The following FANCC variants were observed in gnomAD, a reference collection of about 807,000 sequenced individuals.
FANCC encodes the protein Fanconi anemia group C protein.
A neutral mutation model predicts 71.3 loss-of-function variants in FANCC; 55 were observed. The observed-to-expected ratio is 0.77, with a 90% CI of 0.62 to 0.97. The LOEUF is 0.97. Ranked by LOEUF, FANCC falls within the 50% of genes least tolerant of loss-of-function variation. The probability of loss-of-function intolerance (pLI) is 0.00; values close to 1 mark genes in which losing one functional copy is unlikely to be tolerated. For missense variants in FANCC, 678 were observed against 670.9 expected (o/e 1.01, Z -0.12); for synonymous variants, 275 against 244.9 (o/e 1.12, Z -1.15).
intron 10 of FANCC, 84 bp from the exon 11 acceptor site, chr9:95,117,474 C>T (rs562528042): frequency 7.7e-6 from 8 of 1,037,730 alleles, no homozygotes; most frequent in South Asian, 4.0e-5. Flanking sequence ...AGTCCTCTGC[C>T]CAAAAAAGAC....
intron 1 of FANCC, among the ~76,000 whole-genome samples, chr9:95,312,928 C>T (rs1160911697): frequency 1.3e-5 from 2 of 152,140 alleles, no homozygotes; most frequent in Non-Finnish European, 2.9e-5. Context: ...TGGTAACTTG[C>T]CAGAAACCCA....
chr9:95,157,158 A>G (rs1422981625), intron 6 of FANCC, among the ~76,000 whole-genome samples: 1 of 151,994 alleles, frequency 6.6e-6, no homozygotes, highest in African/African-American at 2.4e-5. Flanking sequence ...GCATCTATGC[A>G]TTTATTTTTT....
intron 9 of FANCC, among the ~76,000 whole-genome samples, chr9:95,125,554 G>A (rs941501780): frequency 2.0e-5 from 3 of 152,044 alleles, no homozygotes; most frequent in Non-Finnish European, 4.4e-5. Flanking sequence ...AAATGGCCTC[G>A]TCCATCCACC....
intron 4 of FANCC, among the ~76,000 whole-genome samples, chr9:95,187,459 A>G (rs980518014): frequency 2.0e-5 from 3 of 152,218 alleles, no homozygotes; most frequent in Non-Finnish European, 2.9e-5. Context: ...GCAGAGGCCC[A>G]GGAGGAGCCA....
intron 6 of FANCC, among the ~76,000 whole-genome samples, chr9:95,150,702 A>C (rs1830126335): frequency 6.6e-6 from 1 of 152,214 alleles, no homozygotes; most frequent in South Asian, 2.1e-4. Flanking sequence ...AGAATAAGCA[A>C]TGTCTTTCAC....
intron 3 of FANCC, among the ~76,000 whole-genome samples, chr9:95,244,711 A>C (rs1271620401): frequency 1.5e-5 from 2 of 129,308 alleles, no homozygotes; most frequent in Admixed American, 1.5e-4. Flanking sequence ...AAAAAAAAAA[A>C]AACCCAACAC....
intron 4 of FANCC, among the ~76,000 whole-genome samples, chr9:95,218,234 G>A (rs1423439323): frequency 6.6e-6 from 1 of 152,342 alleles, no homozygotes. Context: ...GGAGGCTAAG[G>A]TGGGAGAATC....
chr9:95,154,403 T>A (rs959917183), intron 6 of FANCC, among the ~76,000 whole-genome samples: 4 of 151,916 alleles, frequency 2.6e-5, no homozygotes, highest in Admixed American at 1.3e-4. Flanking sequence ...TTCTTACAGG[T>A]TAGGGAGACA....
chr9:95,116,876 C>G (rs956710239), intron 11 of FANCC, among the ~76,000 whole-genome samples: 1 of 152,226 alleles, frequency 6.6e-6, no homozygotes, highest in Non-Finnish European at 1.5e-5. Context: ...GGGGAAACTT[C>G]CCCTGCATTT....
intron 7 of FANCC, among the ~76,000 whole-genome samples, chr9:95,136,418 T>C (rs1002610334): frequency 2.6e-5 from 4 of 151,924 alleles, no homozygotes; most frequent in Non-Finnish European, 4.4e-5. Context: ...ATGGTAGTTA[T>C]GGCCTAGTTG....
intron 1 of FANCC, chr9:95,293,327 G>A: frequency 6.2e-7 from 1 of 1,609,924 alleles, no homozygotes; most frequent in South Asian, 1.1e-5. Context: ...TGTGGTGTTA[G>A]GTGTTGATCA....
At chr9:95,140,248 G>A (rs745755355) in intron 7 of FANCC, among the ~76,000 whole-genome samples, 5 of 151,966 alleles carry the variant, frequency 3.3e-5, no homozygotes, top group East Asian at 1.9e-4. Flanking sequence ...CAGTGACAGC[G>A]TCTGCCATGA....
intron 1 of FANCC, among the ~76,000 whole-genome samples, chr9:95,253,931 C>T (rs1253814234): frequency 6.6e-6 from 1 of 152,220 alleles, no homozygotes; most frequent in Admixed American, 6.5e-5. Context: ...ATTCATGCCC[C>T]TATGAGAATC....
intron 1 of FANCC, among the ~76,000 whole-genome samples, chr9:95,251,339 G>C (rs1028357167): frequency 2.6e-5 from 4 of 151,666 alleles, no homozygotes; most frequent in Admixed American, 2.6e-4. Flanking sequence ...TTTTTTAGAC[G>C]AAGTCTCACT....
chr9:95,164,334 CAAGTGGT>C (rs923064704), intron 6 of FANCC, among the ~76,000 whole-genome samples: 24 of 152,248 alleles, frequency 1.6e-4, no homozygotes, highest in African/African-American at 5.3e-4. Flanking sequence ...ATATTAAATA[CAAGTGGT>C]AAGAGAGGAT....
chr9:95,209,066 T>A (rs1564754071), intron 4 of FANCC, among the ~76,000 whole-genome samples: 2 of 152,206 alleles, frequency 1.3e-5, no homozygotes, highest in African/African-American at 2.4e-5. Context: ...CAATGGAATG[T>A]TATTTTGCAC....
At chr9:95,176,119 C>CT (rs1324353755) in intron 4 of FANCC, among the ~76,000 whole-genome samples, 3 of 152,212 alleles carry the variant, frequency 2.0e-5, no homozygotes, top group Admixed American at 1.3e-4. Flanking sequence ...TCCTCACAGC[C>CT]TACGGGTAGG....
At chr9:95,313,947 G>C (rs547594038) in intron 1 of FANCC, among the ~76,000 whole-genome samples, 2 of 152,284 alleles carry the variant, frequency 1.3e-5, no homozygotes, top group East Asian at 3.9e-4. Context: ...CTGATAAAGT[G>C]CATTTATGAA....
At chr9:95,128,283 T>A (rs1234021348) in intron 8 of FANCC, among the ~76,000 whole-genome samples, 1 of 152,232 alleles carries the variant, frequency 6.6e-6, no homozygotes, top group Non-Finnish European at 1.5e-5. Flanking sequence ...CATCTAAGTT[T>A]GCCAGAGCAA....
Sources: gnomAD v4.1 joint callset for allele counts (sites outside exome capture counted in the v4.1 genomes callset) on GRCh38, gnomAD v4.1.1 for gene constraint, MANE v1.5 for transcripts, NCBI Gene and HGNC (gene_info 2026-07-23, HGNC 2026-07-21) for gene names.